KCNH7: variants seen among roughly 807,000 people sequenced by gnomAD.
The protein encoded by KCNH7 is voltage-gated inwardly rectifying potassium channel KCNH7.
Under a neutral mutation model 120.8 loss-of-function variants are expected in KCNH7, and 49 were observed. The ratio of observed to expected loss-of-function variants is 0.41; its 90% confidence interval spans 0.32 to 0.51. KCNH7 has a LOEUF of 0.51. KCNH7 is among the 20% of genes least tolerant of loss of function. The pLI, the probability that KCNH7 is intolerant of heterozygous loss-of-function variation, is 0.38. For synonymous variants in KCNH7, 547 were observed against 516.1 expected (o/e 1.06, Z -0.81); for missense variants, 1,097 against 1,446.6 (o/e 0.76, Z 3.92).
chr2:162,512,048 A>C (rs976224391), intron 5 of KCNH7, among the ~76,000 whole-genome samples: 7 of 151,812 alleles, frequency 4.6e-5, no homozygotes, highest in African/African-American at 1.7e-4. Context: ...GAGTATTCCC[A>C]GTTAAATATA....
chr2:162,735,723 A>C (rs939128522), intron 2 of KCNH7, among the ~76,000 whole-genome samples: 10 of 152,018 alleles, frequency 6.6e-5, no homozygotes, highest in African/African-American at 2.4e-4. Context: ...CTAATCTCCA[A>C]ATTCTTAGGG....
Position 162,836,710 on chromosome 2 carries a change from T to C in KCNH7, c.134A>G (p.Asn45Ser), listed in dbSNP as rs1685674769. The C allele has an allele frequency of 1.9e-6, 3 of 1,614,022 alleles. No individual in the cohort carries two copies. The highest frequency in any genetic ancestry group is 2.2e-5 in the South Asian group (2 of 91,088). Residue 45 changes from asparagine (N) to serine (S), a missense_variant, in exon 2 of 16, where the codon AAC becomes AGC. By Grantham distance (46) the Asn-to-Ser change is conservative. Around this residue, in one of 8 missense-constraint regions of KCNH7, gnomAD observed 57 missense variants for 116.2 expected, o/e 0.49. Transcript: ENST00000332142. ...RVQNCAIIYC[N>S]DGFCEMTGFS... ...ACCAGTCATCTCACAGAACCCATCG[T>C]TGCAATAAATGATGGCACAGTTCTG...
Position 162,682,590 on chromosome 2 carries a change from T to C in KCNH7, c.308-145510A>G, listed in dbSNP as rs141240112. Reference sequence around the variant, plus strand: ...ATTTATTTTTCAAAAGACATAGGTATTATAACATAAAATACCGAAAGAATG... The same window carrying C: ...ATTTATTTTTCAAAAGACATAGGTACTATAACATAAAATACCGAAAGAATG... On this transcript the variant is annotated intron_variant, in intron 2 of 15. Transcript: ENST00000332142. 6.0e-4 allele frequency among the ~76,000 whole-genome samples: 91 copies of C among 151,968 alleles called. 1 individual carries two copies. The highest frequency in any genetic ancestry group is 2.2e-3 in the African/African-American group (90 of 41,534).
At chr2:162,375,838 G>A (rs2105392161) in intron 14 of KCNH7, among the ~76,000 whole-genome samples, 1 of 150,486 alleles carries the variant, frequency 6.6e-6, no homozygotes, top group Non-Finnish European at 1.5e-5. Flanking sequence ...CTTGAGCCTG[G>A]GAGATTGCAC....
chr2:162,373,219 T>TAA (rs199565037), intron 15 of KCNH7, among the ~76,000 whole-genome samples: 4 of 151,988 alleles, frequency 2.6e-5, no homozygotes, highest in Non-Finnish European at 4.4e-5. Context: ...GTTTTCCTTT[T>TAA]AAAAAAAATG....
chr2:162,435,862 G>A (rs1211476675), intron 7 of KCNH7, among the ~76,000 whole-genome samples: 1 of 152,026 alleles, frequency 6.6e-6, no homozygotes, highest in African/African-American at 2.4e-5. Flanking sequence ...TGTTCTAAGT[G>A]CCTTGCATAA....
chr2:162,685,102 A>C (rs1685841614), intron 2 of KCNH7, among the ~76,000 whole-genome samples: 1 of 152,156 alleles, frequency 6.6e-6, no homozygotes, highest in Non-Finnish European at 1.5e-5. Context: ...CAGAACAGAA[A>C]ACCAAACGCC....
chr2:162,697,760 A>G (rs148401226), intron 2 of KCNH7, among the ~76,000 whole-genome samples: 3 of 152,206 alleles, frequency 2.0e-5, no homozygotes, highest in African/African-American at 7.2e-5. Flanking sequence ...TAATAATAAT[A>G]ATAACAATCA....
At chr2:162,567,847 G>A (rs927753925) in intron 2 of KCNH7, among the ~76,000 whole-genome samples, 1 of 151,922 alleles carries the variant, frequency 6.6e-6, no homozygotes, top group Non-Finnish European at 1.5e-5. Context: ...CTATATATAG[G>A]ATGGTGGTCC....
chr2:162,428,497 G>C (rs978760253), intron 8 of KCNH7, among the ~76,000 whole-genome samples: 1 of 151,884 alleles, frequency 6.6e-6, no homozygotes, highest in East Asian at 1.9e-4. Context: ...TGCTAGAAAA[G>C]AGCGTGTATT....
chr2:162,823,327 T>G (rs1217305124), intron 2 of KCNH7, among the ~76,000 whole-genome samples: 1 of 152,204 alleles, frequency 6.6e-6, no homozygotes, highest in Non-Finnish European at 1.5e-5. Flanking sequence ...CAAACCACAC[T>G]CTATTATTTA....
At chr2:162,614,645 T>C (rs186426613) in intron 2 of KCNH7, among the ~76,000 whole-genome samples, 25 of 150,268 alleles carry the variant, frequency 1.7e-4, no homozygotes, top group Admixed American at 1.6e-3. Flanking sequence ...TGTCATATGA[T>C]AGAATTTTGA....
intron 2 of KCNH7, among the ~76,000 whole-genome samples, chr2:162,660,487 C>T (rs1255604806): frequency 6.6e-6 from 1 of 151,948 alleles, no homozygotes; most frequent in East Asian, 1.9e-4. Context: ...TGTACAATTC[C>T]TTTTATTTTA....
At chr2:162,801,908 T>G (rs1187675799) in intron 2 of KCNH7, among the ~76,000 whole-genome samples, 1 of 151,778 alleles carries the variant, frequency 6.6e-6, no homozygotes, top group Non-Finnish European at 1.5e-5. Context: ...GAGTTTGTTA[T>G]TAACTAAATA....
chr2:162,754,803 CA>C (rs1210814373), intron 2 of KCNH7, among the ~76,000 whole-genome samples: 4 of 152,138 alleles, frequency 2.6e-5, no homozygotes, highest in African/African-American at 7.2e-5. Flanking sequence ...ATGAAGAAGC[CA>C]CTGTATTTAG....
intron 6 of KCNH7, among the ~76,000 whole-genome samples, chr2:162,497,652 A>G (rs995133869): frequency 3.3e-5 from 5 of 152,220 alleles, no homozygotes; most frequent in Non-Finnish European, 5.9e-5. Flanking sequence ...AAATTACCTC[A>G]GTTTGAAGGC....
Position 162,678,211 on chromosome 2 carries a change from C to A in KCNH7, c.308-141131G>T, listed in dbSNP as rs190963331. ...GAGAATTTTCCTAATGTGGCACTTT[C>A]TTAACAAAATTTATCTTGTGAGAGT... On this transcript the variant is annotated intron_variant, in intron 2 of 15. Transcript: ENST00000332142. 4.8e-4 allele frequency among the ~76,000 whole-genome samples: 72 copies of A among 151,434 alleles called. 1 individual carries two copies. In the East Asian group the frequency reaches 6.2e-3, roughly 13 times the overall value.
At chr2:162,827,855 T>A (rs1685340829) in intron 2 of KCNH7, among the ~76,000 whole-genome samples, 1 of 152,130 alleles carries the variant, frequency 6.6e-6, no homozygotes, top group Non-Finnish European at 1.5e-5. Context: ...CTCCCAAAGC[T>A]GTCATGAAAA....
At chr2:162,738,067 CAAAAAA>C (rs58433565) in intron 2 of KCNH7, among the ~76,000 whole-genome samples, 1 of 56,026 alleles carries the variant, frequency 1.8e-5, no homozygotes, top group Non-Finnish European at 4.0e-5. Context: ...GACTTCATAT[CAAAAAA>C]AAAAAAAAAA....
Sources: allele counts gnomAD v4.1 joint callset (sites outside exome capture counted in the v4.1 genomes callset), GRCh38; gene constraint gnomAD v4.1.1; regional missense constraint gnomAD v4.1.1; transcripts MANE v1.5; gene names NCBI Gene and HGNC (gene_info 2026-07-23, HGNC 2026-07-21).